VTI1A: variants seen among roughly 807,000 people sequenced by gnomAD.
VTI1A encodes the protein vesicle transport through interaction with t-SNAREs homolog 1A.
Under a neutral mutation model 34.9 loss-of-function variants are expected in VTI1A, and 22 were observed. The observed-to-expected ratio is 0.63, with a 90% CI of 0.45 to 0.90. The LOEUF is 0.90. Ranked by LOEUF, VTI1A falls within the 40% of genes least tolerant of loss-of-function variation. The probability of loss-of-function intolerance (pLI) is 0.00; values close to 1 mark genes in which losing one functional copy is unlikely to be tolerated. For synonymous variants in VTI1A, 87 were observed against 97.3 expected (o/e 0.89, Z 0.62); for missense variants, 268 against 275.6 (o/e 0.97, Z 0.20).
At chr10:112,770,792 A>T (rs1373120674) in intron 7 of VTI1A, among the ~76,000 whole-genome samples, 1 of 152,066 alleles carries the variant, frequency 6.6e-6, no homozygotes, top group Admixed American at 6.5e-5. Context: ...ATATCTCCTT[A>T]AAACTCACCC....
chr10:112,672,502 C>A (rs1847886917), intron 7 of VTI1A, among the ~76,000 whole-genome samples: 1 of 152,126 alleles, frequency 6.6e-6, no homozygotes, highest in Admixed American at 6.5e-5. Context: ...ACTCTGTAGA[C>A]AGAGTTTAAA....
chr10:112,492,566 T>A (rs1848865993), intron 3 of VTI1A, among the ~76,000 whole-genome samples: 1 of 152,104 alleles, frequency 6.6e-6, no homozygotes, highest in Non-Finnish European at 1.5e-5. Context: ...GGCAGGCAGA[T>A]CATGAGGTCA....
the VTI1A span, among the ~76,000 whole-genome samples, chr10:112,855,208 A>G: frequency 6.6e-6 from 1 of 152,160 alleles, no homozygotes; most frequent in Non-Finnish European, 1.5e-5. Context: ...TGCAGGCCCA[A>G]TGACCAGAGA....
At chr10:112,724,268 CAGAG>C (rs759079863) in intron 7 of VTI1A, among the ~76,000 whole-genome samples, 4 of 152,236 alleles carry the variant, frequency 2.6e-5, no homozygotes, top group East Asian at 1.9e-4. Flanking sequence ...AGAGGATAGA[CAGAG>C]AGCTGAAGAA....
chr10:112,707,732 C>G (rs1267458297), intron 7 of VTI1A, among the ~76,000 whole-genome samples: 1 of 152,098 alleles, frequency 6.6e-6, no homozygotes, highest in Non-Finnish European at 1.5e-5. Context: ...GTTTTCCAGA[C>G]CTGTCTCTGA....
intron 3 of VTI1A, among the ~76,000 whole-genome samples, chr10:112,489,579 T>G (rs565789488): frequency 7.0e-4 from 106 of 152,362 alleles, no homozygotes; most frequent in African/African-American, 2.5e-3. Context: ...AAAAAGGTTC[T>G]GGTTAATTAG....
chr10:112,753,977 T>C (rs1274712075), intron 7 of VTI1A, among the ~76,000 whole-genome samples: 3 of 152,168 alleles, frequency 2.0e-5, no homozygotes, highest in Admixed American at 1.3e-4. Context: ...AGGTCAGGAT[T>C]GTGGAGCCAG....
chr10:112,457,558 G>A (rs1847579892), intron 1 of VTI1A, among the ~76,000 whole-genome samples: 1 of 152,206 alleles, frequency 6.6e-6, no homozygotes, highest in South Asian at 2.1e-4. Flanking sequence ...TCTGAAGAGA[G>A]TTTTGAATAG....
chr10:112,846,910 T>C, the VTI1A span, among the ~76,000 whole-genome samples: 3 of 152,124 alleles, frequency 2.0e-5, no homozygotes, highest in Non-Finnish European at 4.4e-5. Context: ...ACCCAAGATA[T>C]ACTTTGGTTC....
intron 5 of VTI1A, among the ~76,000 whole-genome samples, chr10:112,600,163 T>C (rs766557727): frequency 2.0e-5 from 3 of 152,178 alleles, no homozygotes; most frequent in Non-Finnish European, 2.9e-5. Flanking sequence ...TTGAAAACCA[T>C]GTGTGGTACA....
chr10:112,586,232 T>C (rs1844151189), intron 5 of VTI1A, among the ~76,000 whole-genome samples: 1 of 151,302 alleles, frequency 6.6e-6, no homozygotes, highest in Non-Finnish European at 1.5e-5. Flanking sequence ...CAAAAAAGCA[T>C]TCAAGGAAGC....
chr10:112,610,309 C>T (rs995679357), intron 5 of VTI1A, among the ~76,000 whole-genome samples: 2 of 151,852 alleles, frequency 1.3e-5, no homozygotes, highest in Non-Finnish European at 2.9e-5. Context: ...GCTGTTGTTG[C>T]CCTAGGTAAA....
At position 112,710,950 on chromosome 10, in the gene VTI1A, A is replaced by G. The variant is rs114518241; in HGVS notation, c.560+41952A>G. On this transcript the variant is annotated intron_variant, in intron 7 of 7. Coordinates refer to ENST00000393077, the MANE Select transcript of VTI1A (RefSeq NM_145206.4). ...ACAGGTTACAAAATGTCACAATTCA[A>G]TGGGGCCAATTATTAGATTTTCATT... Among the ~76,000 whole-genome samples the G allele has an allele frequency of 2.6e-3, 402 of 152,324 alleles. 1 individual carries two copies. The highest frequency in any genetic ancestry group is 8.9e-3 in the African/African-American group (371 of 41,568).
the VTI1A span, among the ~76,000 whole-genome samples, chr10:112,830,585 C>T: frequency 1.3e-5 from 2 of 150,748 alleles, no homozygotes; most frequent in Admixed American, 6.7e-5. Context: ...TGTGTTTATT[C>T]TTTCGTGTCC....
intron 7 of VTI1A, among the ~76,000 whole-genome samples, chr10:112,718,190 C>T (rs1849675690): frequency 6.6e-6 from 1 of 152,192 alleles, no homozygotes; most frequent in Admixed American, 6.5e-5. Flanking sequence ...GGAGAGGCCC[C>T]TTTGAATCTA....
chr10:112,853,326 AG>A, the VTI1A span, among the ~76,000 whole-genome samples: 1 of 152,210 alleles, frequency 6.6e-6, no homozygotes, highest in African/African-American at 2.4e-5. Flanking sequence ...TGAGTCTTTA[AG>A]AATGAGTTTC....
At chr10:112,449,014 A>G (rs965986884) in intron 1 of VTI1A, 5 of 152,250 alleles carry the variant, frequency 3.3e-5, no homozygotes, top group Non-Finnish European at 4.4e-5. Context: ...AGAGGAGAGA[A>G]CCAAGGTAGT....
At chr10:112,665,050 T>G (rs1027571381) in intron 5 of VTI1A, among the ~76,000 whole-genome samples, 7 of 152,210 alleles carry the variant, frequency 4.6e-5, no homozygotes, top group Non-Finnish European at 8.8e-5. Context: ...CTATGGAAGT[T>G]AAAGAACTGA....
At chr10:112,543,853 G>C (rs1007436892) in intron 5 of VTI1A, among the ~76,000 whole-genome samples, 1 of 152,148 alleles carries the variant, frequency 6.6e-6, no homozygotes, top group Non-Finnish European at 1.5e-5. Flanking sequence ...ATTAATTTTT[G>C]TATAAGGTGT....
Sources: allele counts gnomAD v4.1 joint callset (sites outside exome capture counted in the v4.1 genomes callset), GRCh38; gene constraint gnomAD v4.1.1; transcripts MANE v1.5; gene names NCBI Gene and HGNC (gene_info 2026-07-23, HGNC 2026-07-21).